The following PITPNC1 variants were observed in gnomAD, a reference collection of about 807,000 sequenced individuals.
The protein encoded by PITPNC1 is cytoplasmic phosphatidylinositol transfer protein 1.
A neutral mutation model predicts 44.7 loss-of-function variants in PITPNC1; 18 were observed. That is an observed-to-expected ratio of 0.40 (90% confidence interval 0.28 to 0.60). PITPNC1 has a LOEUF of 0.60. Among genes scored for constraint, PITPNC1 ranks in the 20% least tolerant of loss-of-function variants. PITPNC1 has a pLI of 0.39. For synonymous variants in PITPNC1, 141 were observed against 149.6 expected (o/e 0.94, Z 0.42); for missense variants, 290 against 418.4 (o/e 0.69, Z 2.68).
At chr17:67,630,737 A>T (rs1017969698) in intron 5 of PITPNC1, among the ~76,000 whole-genome samples, 4 of 150,756 alleles carry the variant, frequency 2.7e-5, no homozygotes, top group African/African-American at 9.8e-5. Flanking sequence ...TTTTTGAGAC[A>T]GTCTCACTCT....
At chr17:67,615,286 C>T (rs563646929) in intron 5 of PITPNC1, among the ~76,000 whole-genome samples, 6 of 152,312 alleles carry the variant, frequency 3.9e-5, no homozygotes, top group South Asian at 4.1e-4. Flanking sequence ...TGCAATCTAT[C>T]GTGATTCTTA....
chr17:67,602,757 G>A (rs1455106749), intron 5 of PITPNC1, among the ~76,000 whole-genome samples: 1 of 152,082 alleles, frequency 6.6e-6, no homozygotes, highest in Admixed American at 6.6e-5. Flanking sequence ...GTGGTTGGGG[G>A]GATGGATCTT....
intron 1 of PITPNC1, among the ~76,000 whole-genome samples, chr17:67,378,796 C>T (rs1462216018): frequency 6.6e-6 from 1 of 152,212 alleles, no homozygotes; most frequent in African/African-American, 2.4e-5. Flanking sequence ...TGTCCTTTCG[C>T]AAACCGCCTG....
intron 1 of PITPNC1, among the ~76,000 whole-genome samples, chr17:67,420,078 A>C (rs760931010): frequency 6.6e-6 from 1 of 152,180 alleles, no homozygotes; most frequent in Non-Finnish European, 1.5e-5. Flanking sequence ...TTGATCCCTG[A>C]GGGGTGGTAG....
intron 1 of PITPNC1, among the ~76,000 whole-genome samples, chr17:67,426,039 A>G (rs1229168709): frequency 6.6e-6 from 1 of 152,232 alleles, no homozygotes; most frequent in Non-Finnish European, 1.5e-5. Context: ...TTCATAGACC[A>G]TCATACACTT....
chr17:67,467,585 TA>T (rs1270780016), intron 1 of PITPNC1, among the ~76,000 whole-genome samples: 1 of 152,208 alleles, frequency 6.6e-6, no homozygotes, highest in Non-Finnish European at 1.5e-5. Flanking sequence ...CTAGCTATAC[TA>T]ACATGTCCCT....
intron 1 of PITPNC1, among the ~76,000 whole-genome samples, chr17:67,517,803 T>C (rs1425340989): frequency 6.6e-6 from 1 of 152,132 alleles, no homozygotes; most frequent in Non-Finnish European, 1.5e-5. Flanking sequence ...CTTTTGGAGA[T>C]GATGAAAATG....
At chr17:67,567,806 C>G (rs2041001102) in intron 4 of PITPNC1, among the ~76,000 whole-genome samples, 1 of 152,062 alleles carries the variant, frequency 6.6e-6, no homozygotes, top group African/African-American at 2.4e-5. Context: ...AACCCCATCT[C>G]TACCAAAAAT....
chr17:67,657,537 G>A (rs2042285971), intron 6 of PITPNC1, among the ~76,000 whole-genome samples: 1 of 150,680 alleles, frequency 6.6e-6, no homozygotes, highest in South Asian at 2.1e-4. Context: ...CAGCCCTATT[G>A]CCGAGTGCCT....
At chr17:67,608,768 C>T (rs575992776) in intron 5 of PITPNC1, among the ~76,000 whole-genome samples, 3 of 147,534 alleles carry the variant, frequency 2.0e-5, no homozygotes, top group Middle Eastern at 3.8e-3. Context: ...CCTCCCAAAG[C>T]GTTGGGAGGC....
intron 2 of PITPNC1, among the ~76,000 whole-genome samples, chr17:67,543,272 A>G (rs1167558216): frequency 6.6e-6 from 1 of 152,174 alleles, no homozygotes; most frequent in South Asian, 2.1e-4. Flanking sequence ...TGCCCTGAGT[A>G]GATCTGAATT....
rs1000220869 is a variant in PITPNC1, at chr17:67,524,748, C to CTTTTT, written c.49-8026_49-8022dup. The CTTTTT allele has an allele frequency of 4.5e-3, 30 of 6,656 alleles. 11 individuals carry two copies. The highest frequency in any genetic ancestry group is 5.9e-3 in the African/African-American group (6 of 1,016). The allele number at this position is 6,656 out of a possible 1,614,324, so 0.4% of individuals were successfully genotyped here. On this transcript the variant is annotated intron_variant, in intron 1 of 8. Coordinates refer to ENST00000581322, the MANE Select transcript of PITPNC1 (RefSeq NM_012417.4). ...TGTTTCAAACATATATGAAGGTTTT[C>CTTTTT]TTTTTTTTTTTTTTTTTTTTTTTTT...
At chr17:67,629,238 C>CTGTGTGTTTGTGTGTGTG (rs1555574243) in intron 5 of PITPNC1, among the ~76,000 whole-genome samples, 30 of 131,326 alleles carry the variant, frequency 2.3e-4, no homozygotes, top group African/African-American at 8.7e-4. Context: ...CTGGGGTATT[C>CTGTGTGTTTGTGTGTGTG]TGTGTGTGTG....
At chr17:67,558,337 A>G (rs1231224902) in intron 4 of PITPNC1, among the ~76,000 whole-genome samples, 4 of 152,152 alleles carry the variant, frequency 2.6e-5, no homozygotes, top group Admixed American at 2.6e-4. Context: ...TGACAGTTTC[A>G]CAGAGGACAG....
chr17:67,421,505 AC>A (rs1455334648), intron 1 of PITPNC1, among the ~76,000 whole-genome samples: 1 of 151,852 alleles, frequency 6.6e-6, no homozygotes, highest in Non-Finnish European at 1.5e-5. Context: ...CTGGTCTTGA[AC>A]TCCTGACCTC....
chr17:67,432,959 G>T (rs897764625), intron 1 of PITPNC1, among the ~76,000 whole-genome samples: 4 of 152,134 alleles, frequency 2.6e-5, no homozygotes, highest in African/African-American at 4.8e-5. Flanking sequence ...GGAGGACCCT[G>T]ACAACAGCAT....
rs1465134953 is a variant in PITPNC1, at chr17:67,378,023, C to T, written c.-132C>T. On this transcript the variant is annotated 5_prime_UTR_variant, in exon 1 of 9. Transcript: ENST00000581322. ...GGAGGAAGCCAGGAGCTGAGCGCGCCGCGGGGGCTGCTTCGCCCTCCGGCT... is the reference window on the plus strand; with the variant it reads ...GGAGGAAGCCAGGAGCTGAGCGCGCTGCGGGGGCTGCTTCGCCCTCCGGCT... 6.2e-6 allele frequency: 3 copies of T among 480,280 alleles called. No homozygotes were observed. The highest frequency in any genetic ancestry group is 6.2e-5 in the African/African-American group (3 of 48,598). 29.8% of individuals were successfully genotyped at this position (480,280 alleles called of 1,614,324 possible). A position where few individuals can be genotyped will look rare whatever the true frequency, so the allele number is the denominator to read the frequency against.
intron 1 of PITPNC1, among the ~76,000 whole-genome samples, chr17:67,526,125 C>A (rs1372175412): frequency 6.6e-6 from 1 of 152,046 alleles, no homozygotes; most frequent in African/African-American, 2.4e-5. Context: ...GGTATTGGGA[C>A]TAATGGAGGG....
chr17:67,474,269 A>G (rs2039594178), intron 1 of PITPNC1, among the ~76,000 whole-genome samples: 1 of 152,204 alleles, frequency 6.6e-6, no homozygotes, highest in South Asian at 2.1e-4. Context: ...GTCAGGAAGG[A>G]GAACTTGAAG....
Sources: gnomAD v4.1 joint callset for allele counts (sites outside exome capture counted in the v4.1 genomes callset) on GRCh38, gnomAD v4.1.1 for gene constraint, MANE v1.5 for transcripts, NCBI Gene and HGNC (gene_info 2026-07-23, HGNC 2026-07-21) for gene names.